RPIA: variants seen among roughly 807,000 people sequenced by gnomAD.
RPIA encodes ribose-5-phosphate isomerase.
RPIA carries 29 observed loss-of-function variants against 37.8 expected under a neutral mutation model. The observed-to-expected ratio is 0.77, with a 90% CI of 0.57 to 1.05. The LOEUF is 1.05. RPIA is among the 50% of genes least tolerant of loss of function. RPIA has a pLI of 0.00. For synonymous variants in RPIA, 167 were observed against 157.0 expected (o/e 1.06, Z -0.48); for missense variants, 385 against 413.6 (o/e 0.93, Z 0.60).
intron 3 of RPIA, among the ~76,000 whole-genome samples, chr2:88,715,080 C>T (rs960988035): frequency 3.3e-5 from 5 of 152,192 alleles, no homozygotes; most frequent in Admixed American, 1.3e-4. Flanking sequence ...CAAGTCAATA[C>T]GCAGAGACAC....
chr2:88,728,128 A>C lies in RPIA; in HGVS notation c.403-1150A>C, dbSNP rs549518973. On this transcript the variant is annotated intron_variant, in intron 3 of 8. Transcript: ENST00000283646. ...CTGGAAAATGGGGAGTCTTTTAAAC[A>C]CCACAACAATACTAAAAAGAGCAAT... Among the ~76,000 whole-genome samples, 5 of 152,360 alleles carry C rather than the reference A, an allele frequency of 3.3e-5. No homozygotes were observed. In the East Asian group the frequency reaches 7.7e-4, roughly 23 times the overall value.
intron 3 of RPIA, among the ~76,000 whole-genome samples, chr2:88,714,594 G>A (rs1399202979): frequency 6.6e-6 from 1 of 152,190 alleles, no homozygotes. Context: ...CTTTCCCCTG[G>A]CTGGTCAGAT....
At chr2:88,710,811 A>T (rs1374523410) in intron 3 of RPIA, among the ~76,000 whole-genome samples, 5 of 152,166 alleles carry the variant, frequency 3.3e-5, no homozygotes, top group Admixed American at 2.0e-4. Context: ...CCTTGTCTGC[A>T]CCAGATTAAG....
intron 3 of RPIA, among the ~76,000 whole-genome samples, chr2:88,718,298 A>T (rs1026603682): frequency 6.6e-6 from 1 of 152,222 alleles, no homozygotes; most frequent in African/African-American, 2.4e-5. Flanking sequence ...TTGCTTTATC[A>T]TACTTGGCCT....
intron 3 of RPIA, among the ~76,000 whole-genome samples, chr2:88,728,084 A>G (rs188444218): frequency 8.4e-4 from 128 of 152,334 alleles, no homozygotes; most frequent in African/African-American, 3.0e-3. Flanking sequence ...ATTTCATTGT[A>G]TATATTTCAT....
At chr2:88,701,577 G>A (rs1672833245) in intron 3 of RPIA, among the ~76,000 whole-genome samples, 1 of 318 alleles carries the variant, frequency 3.1e-3, no homozygotes, top group Non-Finnish European at 6.3e-3. Flanking sequence ...ACTATTTCTT[G>A]CTCTTTACAT....
chr2:88,704,677 C>G (rs990430099), intron 3 of RPIA, among the ~76,000 whole-genome samples: 1 of 152,180 alleles, frequency 6.6e-6, no homozygotes, highest in African/African-American at 2.4e-5. Context: ...TAAGGGTCAT[C>G]TCTCTCACCG....
chr2:88,719,490 G>A (rs1573469362), intron 3 of RPIA, among the ~76,000 whole-genome samples: 2 of 151,942 alleles, frequency 1.3e-5, no homozygotes, highest in East Asian at 3.9e-4. Context: ...GGATTAATTA[G>A]GTCAGAAAAA....
intron 3 of RPIA, among the ~76,000 whole-genome samples, chr2:88,713,295 G>A (rs1672987259): frequency 6.7e-6 from 1 of 149,778 alleles, no homozygotes; most frequent in Non-Finnish European, 1.5e-5. Flanking sequence ...CTGAATAGCT[G>A]GAATACAAAT....
intron 8 of RPIA, among the ~76,000 whole-genome samples, chr2:88,744,419 C>A (rs895582281): frequency 1.3e-5 from 2 of 151,968 alleles, no homozygotes; most frequent in African/African-American, 4.8e-5. Flanking sequence ...TGTTTTGTAG[C>A]CTGTCATGTT....
intron 4 of RPIA, among the ~76,000 whole-genome samples, chr2:88,732,728 T>TAAAAAAAAA (rs75685116): frequency 1.0e-3 from 2 of 2,006 alleles, no homozygotes; most frequent in African/African-American, 5.1e-3. Flanking sequence ...TAGAGTATAA[T>TAAAAAAAAA]AAAAAAAAAA....
At chr2:88,739,110 A>G (rs1673352639) in intron 8 of RPIA, among the ~76,000 whole-genome samples, 1 of 152,142 alleles carries the variant, frequency 6.6e-6, no homozygotes, top group African/African-American at 2.4e-5. Flanking sequence ...GGTCCAGGCT[A>G]GAGGAGGTAT....
At position 88,694,064 on chromosome 2, in the gene RPIA, C is replaced by T. The variant is rs575336258; in HGVS notation, c.285+2081C>T. Among the ~76,000 whole-genome samples, 8 of 152,346 alleles carry T rather than the reference C, an allele frequency of 5.3e-5. No individual in the cohort carries two copies. The South Asian group carries it at 1.0e-3, about 20-fold the overall frequency. On this transcript the variant is annotated intron_variant, in intron 1 of 8. Transcript: ENST00000283646. ...GTAGTATTTCCAAAGTTACTCCATT[C>T]GACAAGCTGAGTGAAGTTCTGATGT... is the stretch of plus-strand genomic sequence containing the variant.
intron 8 of RPIA, among the ~76,000 whole-genome samples, chr2:88,743,077 A>G (rs1673402243): frequency 6.6e-6 from 1 of 152,032 alleles, no homozygotes; most frequent in Non-Finnish European, 1.5e-5. Context: ...AGTATGTTGG[A>G]TACTGGGTAT....
chr2:88,713,736 A>C (rs753801844), intron 3 of RPIA, among the ~76,000 whole-genome samples: 1 of 151,400 alleles, frequency 6.6e-6, no homozygotes, highest in Non-Finnish European at 1.5e-5. Flanking sequence ...CCTTCTTGTG[A>C]CTTTGGTGCT....
intron 8 of RPIA, 38 bp downstream of exon 8, chr2:88,738,114 A>C: frequency 6.9e-7 from 1 of 1,454,770 alleles, no homozygotes; most frequent in Non-Finnish European, 9.7e-7. Flanking sequence ...ATACACACCC[A>C]TGGCCTTCAT....
At chr2:88,719,271 T>G (rs1463817840) in intron 3 of RPIA, among the ~76,000 whole-genome samples, 1 of 152,186 alleles carries the variant, frequency 6.6e-6, no homozygotes, top group Non-Finnish European at 1.5e-5. Context: ...ATAACAATTA[T>G]AATTATTACT....
chr2:88,742,712 G>GT (rs1573479586), intron 8 of RPIA, among the ~76,000 whole-genome samples: 1 of 151,688 alleles, frequency 6.6e-6, no homozygotes, highest in African/African-American at 2.4e-5. Context: ...GTTGTCTGTG[G>GT]TTTTTTTCAG....
At position 88,750,256 on chromosome 2, in the gene RPIA, C is replaced by T. The variant is rs942553368; in HGVS notation, c.*178C>T. 2.2e-5 allele frequency: 11 copies of T among 498,408 alleles called. No homozygotes were observed. The highest frequency in any genetic ancestry group is 1.7e-4 in the Admixed American group (5 of 30,014). The allele number at this position is 498,408 out of a possible 1,614,324, so 30.9% of individuals were successfully genotyped here. On this transcript the variant is annotated 3_prime_UTR_variant, in exon 9 of 9. Coordinates refer to ENST00000283646, the MANE Select transcript of RPIA (RefSeq NM_144563.3). ...CTTATGAAGTATTGTTATTAAATGT[C>T]TTTTTAAAAAGAGAAATATAAACAT...
Sources: gnomAD v4.1 joint callset for allele counts (sites outside exome capture counted in the v4.1 genomes callset) on GRCh38, gnomAD v4.1.1 for gene constraint, MANE v1.5 for transcripts, NCBI Gene and HGNC (gene_info 2026-07-23, HGNC 2026-07-21) for gene names.